EPB41L3: variants seen among roughly 807,000 people sequenced by gnomAD.
EPB41L3 encodes erythrocyte membrane protein band 4.1 like 3, also known as band 4.1-like protein 3.
EPB41L3 carries 57 observed loss-of-function variants against 127.1 expected under a neutral mutation model. The ratio of observed to expected loss-of-function variants is 0.45; its 90% CI spans 0.36 to 0.56. The LOEUF is 0.56. EPB41L3 is among the 20% of genes least tolerant of loss of function. The pLI, the probability that EPB41L3 is intolerant of heterozygous loss-of-function variation, is 0.00. For synonymous variants in EPB41L3, 572 were observed against 549.5 expected (o/e 1.04, Z -0.57); for missense variants, 1,273 against 1,372.2 (o/e 0.93, Z 1.14).
intron 1 of EPB41L3, among the ~76,000 whole-genome samples, chr18:5,513,259 G>A (rs1440607847): frequency 6.6e-6 from 1 of 152,194 alleles, no homozygotes; most frequent in East Asian, 1.9e-4. Context: ...TCAGAGATTT[G>A]AGCGTTGCTA....
intron 3 of EPB41L3, among the ~76,000 whole-genome samples, chr18:5,584,278 G>A (rs1282616942): frequency 6.6e-6 from 1 of 152,168 alleles, no homozygotes; most frequent in Non-Finnish European, 1.5e-5. Flanking sequence ...CTATGCTGCA[G>A]ATCCAACATT....
chr18:5,396,989 G>C, intron 18 of EPB41L3, 69 bp downstream of exon 18: 1 of 1,474,406 alleles, frequency 6.8e-7, no homozygotes, highest in Non-Finnish European at 9.1e-7. Context: ...CCTTTATGCT[G>C]ATCTAAATTT....
At chr18:5,541,047 T>C (rs1216630179) in intron 1 of EPB41L3, among the ~76,000 whole-genome samples, 12 of 131,064 alleles carry the variant, frequency 9.2e-5, no homozygotes, top group Admixed American at 7.1e-4. Flanking sequence ...ATCGCACCAC[T>C]GCACTCCAGC....
At chr18:5,419,623 T>G in intron 12 of EPB41L3, 88 bp downstream of exon 12, 1 of 1,549,622 alleles carries the variant, frequency 6.5e-7, no homozygotes, top group South Asian at 1.2e-5. Flanking sequence ...ATCCTAAATC[T>G]GAGCACATTC....
At chr18:5,487,453 C>T (rs888425053) in intron 2 of EPB41L3, among the ~76,000 whole-genome samples, 1 of 150,078 alleles carries the variant, frequency 6.7e-6, no homozygotes, top group Non-Finnish European at 1.5e-5. Flanking sequence ...GAACTGTACA[C>T]TTAAAAAAGA....
At chr18:5,509,925 C>T (rs537914796) in intron 1 of EPB41L3, among the ~76,000 whole-genome samples, 1 of 152,216 alleles carries the variant, frequency 6.6e-6, no homozygotes, top group East Asian at 1.9e-4. Flanking sequence ...AACTAACCAC[C>T]AAACTAGAGC....
In EPB41L3 at chr18:5,406,873, T is replaced by C. The variant is rs2075476354; in HGVS notation, c.2253A>G (p.Val751=). 1 of 1,614,200 alleles carries C rather than the reference T, an allele frequency of 6.2e-7. No individual in the cohort carries two copies. Among genetic ancestry groups the C allele is most frequent in the Non-Finnish European group, 8.5e-7 (1 of 1,180,008 alleles). The change falls in exon 16 of 23, where the codon GTA becomes GTG. Residue 751 remains valine, a synonymous_variant. Coordinates refer to ENST00000341928, the MANE Select transcript of EPB41L3 (RefSeq NM_012307.5). ...AAAGCCTCTTCTCCCATTCATTCGT[T>C]ACGGCAGTGTCTGTTGAGGTTTCTA... ...TFLETSTDTA[V]TNEWEKRLST...
chr18:5,550,652 G>C (rs1473788193), intron 3 of EPB41L3, among the ~76,000 whole-genome samples: 1 of 152,132 alleles, frequency 6.6e-6, no homozygotes. Context: ...ACATCTGTTA[G>C]TAATGCCCCA....
At chr18:5,572,262 C>T (rs1216424653) in intron 3 of EPB41L3, among the ~76,000 whole-genome samples, 1 of 152,208 alleles carries the variant, frequency 6.6e-6, no homozygotes, top group Non-Finnish European at 1.5e-5. Flanking sequence ...TCTTCACTTT[C>T]ACTGCTAGGA....
At chr18:5,430,962 G>T (rs1180329679) in intron 8 of EPB41L3, among the ~76,000 whole-genome samples, 1 of 152,060 alleles carries the variant, frequency 6.6e-6, no homozygotes, top group African/African-American at 2.4e-5. Context: ...GAGCACTGGG[G>T]TGTACCCAAA....
At chr18:5,591,277 G>A (rs1324049751) in intron 3 of EPB41L3, among the ~76,000 whole-genome samples, 1 of 152,052 alleles carries the variant, frequency 6.6e-6, no homozygotes, top group East Asian at 1.9e-4. Context: ...CCACAAACTG[G>A]GTAACCTATA....
intron 5 of EPB41L3, among the ~76,000 whole-genome samples, chr18:5,443,595 A>T (rs2081084499): frequency 6.6e-6 from 1 of 152,236 alleles, no homozygotes. Flanking sequence ...CAATTCTAAC[A>T]TCAGTTGATT....
chr18:5,532,428 C>G (rs1332463051), intron 1 of EPB41L3, among the ~76,000 whole-genome samples: 1 of 152,208 alleles, frequency 6.6e-6, no homozygotes, highest in Non-Finnish European at 1.5e-5. Context: ...TACAAAGGCT[C>G]AAAGAGTCAC....
intron 1 of EPB41L3, among the ~76,000 whole-genome samples, chr18:5,516,942 A>G (rs2092774582): frequency 6.6e-6 from 1 of 152,214 alleles, no homozygotes. Flanking sequence ...AGTTTCAAAG[A>G]TTGTCTATAA....
chr18:5,452,597 A>G (rs1394672972), intron 3 of EPB41L3, among the ~76,000 whole-genome samples: 1 of 152,176 alleles, frequency 6.6e-6, no homozygotes, highest in Non-Finnish European at 1.5e-5. Context: ...AAATCTGAAG[A>G]CATTCATTCC....
At chr18:5,629,604 C>T (rs369138658), upstream of EPB41L3, among the ~76,000 whole-genome samples, 1 of 152,136 alleles carries the variant, frequency 6.6e-6, no homozygotes, top group East Asian at 1.9e-4. Flanking sequence ...GCCCCCCCCT[C>T]CCCCGCGTTT....
intron 16 of EPB41L3, among the ~76,000 whole-genome samples, 174 bp downstream of exon 16, chr18:5,406,603 T>C (rs189948228): frequency 6.6e-6 from 1 of 152,370 alleles, no homozygotes; most frequent in East Asian, 1.9e-4. Context: ...TCAGCCACTT[T>C]AACCATTTTA....
chr18:5,449,771 G>C (rs2082033073), intron 3 of EPB41L3, among the ~76,000 whole-genome samples: 1 of 152,090 alleles, frequency 6.6e-6, no homozygotes, highest in Admixed American at 6.6e-5. Flanking sequence ...ATTGTCCATG[G>C]GATTTTACGT....
chr18:5,421,221 C>G (rs980953398), intron 11 of EPB41L3, among the ~76,000 whole-genome samples: 1 of 152,154 alleles, frequency 6.6e-6, no homozygotes, highest in African/African-American at 2.4e-5. Context: ...CAGTCATTAT[C>G]ACACTAAAGG....
Sources: gnomAD v4.1 joint callset for allele counts (sites outside exome capture counted in the v4.1 genomes callset) on GRCh38, gnomAD v4.1.1 for gene constraint, MANE v1.5 for transcripts, NCBI Gene and HGNC (gene_info 2026-07-23, HGNC 2026-07-21) for gene names.